The following SGCZ variants were observed in gnomAD, a reference collection of about 807,000 sequenced individuals.
SGCZ encodes the protein sarcoglycan zeta.
SGCZ carries 40 observed loss-of-function variants against 41.3 expected under a neutral mutation model. The ratio of observed to expected loss-of-function variants is 0.97; its 90% confidence interval spans 0.75 to 1.26. The LOEUF is 1.26. SGCZ is among the 50% of genes most tolerant of loss of function. The probability of loss-of-function intolerance (pLI) is 0.00; values close to 1 mark genes in which losing one functional copy is unlikely to be tolerated. For missense variants in SGCZ, 552 were observed against 369.8 expected, an observed-to-expected ratio of 1.49 and a Z score of -4.04; for synonymous variants, 206 against 137.5, an observed-to-expected ratio of 1.50 and a Z score of -3.49.
intron 1 of SGCZ, among the ~76,000 whole-genome samples, chr8:14,973,347 T>A (rs977097938): frequency 6.6e-6 from 1 of 152,164 alleles, no homozygotes; most frequent in Non-Finnish European, 1.5e-5. Flanking sequence ...TAGAGAAAGT[T>A]TACTTTCCCT....
intron 1 of SGCZ, among the ~76,000 whole-genome samples, chr8:14,984,339 T>C (rs1471294330): frequency 2.6e-5 from 4 of 152,202 alleles, no homozygotes; most frequent in Admixed American, 2.6e-4. Context: ...AACTGTAGCA[T>C]ATCAACAAAT....
chr8:15,026,553 C>T (rs910001361), intron 1 of SGCZ, among the ~76,000 whole-genome samples: 6 of 152,052 alleles, frequency 3.9e-5, no homozygotes, highest in African/African-American at 1.2e-4. Flanking sequence ...GTATTGTCAA[C>T]GCTGTAATCC....
At chr8:14,724,195 G>A (rs1396665246) in intron 1 of SGCZ, among the ~76,000 whole-genome samples, 1 of 151,970 alleles carries the variant, frequency 6.6e-6, no homozygotes, top group Non-Finnish European at 1.5e-5. Context: ...GACCCTGAAT[G>A]TTGTGTTCTG....
intron 1 of SGCZ, among the ~76,000 whole-genome samples, chr8:15,106,604 G>A (rs7822641): frequency 0.037 from 5,661 of 151,980 alleles, 350 homozygotes; most frequent in African/African-American, 0.13. Context: ...TTTATAACCT[G>A]TCACTTTATT....
intron 6 of SGCZ, among the ~76,000 whole-genome samples, chr8:14,107,242 A>AT (rs956700702): frequency 2.1e-4 from 32 of 151,446 alleles, no homozygotes; most frequent in African/African-American, 4.1e-4. Flanking sequence ...AAATAAATAA[A>AT]AAAAAAAAAC....
chr8:14,896,353 C>T (rs1024606028), intron 1 of SGCZ, among the ~76,000 whole-genome samples: 7 of 152,132 alleles, frequency 4.6e-5, no homozygotes, highest in Admixed American at 4.6e-4. Context: ...AACATAATGC[C>T]TAATGGCACT....
At chr8:14,305,332 G>T (rs936456049) in intron 3 of SGCZ, among the ~76,000 whole-genome samples, 2 of 152,016 alleles carry the variant, frequency 1.3e-5, no homozygotes, top group Non-Finnish European at 2.9e-5. Context: ...ACCACAGCGT[G>T]CAATATTTCT....
At chr8:14,965,038 C>G (rs371754199) in intron 1 of SGCZ, among the ~76,000 whole-genome samples, 130 of 152,150 alleles carry the variant, frequency 8.5e-4, no homozygotes, top group African/African-American at 3.0e-3. Context: ...GTCCCCCATT[C>G]CCGAGGTAAG....
At chr8:14,498,190 T>G (rs980563498) in intron 2 of SGCZ, among the ~76,000 whole-genome samples, 1 of 152,212 alleles carries the variant, frequency 6.6e-6, no homozygotes. Context: ...TTTCTATTAC[T>G]CTGTCATATG....
At chr8:14,131,846 C>T (rs1585163456) in intron 5 of SGCZ, among the ~76,000 whole-genome samples, 2 of 152,190 alleles carry the variant, frequency 1.3e-5, no homozygotes. Flanking sequence ...CAACTGCCTA[C>T]AGTATTCAAT....
At chr8:14,752,801 A>C (rs1799538488) in intron 1 of SGCZ, among the ~76,000 whole-genome samples, 2 of 152,214 alleles carry the variant, frequency 1.3e-5, no homozygotes, top group Non-Finnish European at 2.9e-5. Flanking sequence ...GATTTAAATT[A>C]TACTGGGGAG....
Position 14,199,581 on chromosome 8 carries a change from C to T in SGCZ, c.425-34879G>A, listed in dbSNP as rs188206932. On this transcript the variant is annotated intron_variant, in intron 4 of 7. Transcript: ENST00000382080. ...CACTAATAAAAACTTGCTGGTTTTA[C>T]GGCTCGGGGGGCATCACGGAACCTG... Among the ~76,000 whole-genome samples the T allele has an allele frequency of 3.9e-5, 6 of 152,170 alleles. No homozygotes were observed. In the East Asian group the frequency reaches 9.7e-4, roughly 25 times the overall value.
intron 1 of SGCZ, among the ~76,000 whole-genome samples, chr8:15,046,012 C>T (rs1804287670): frequency 6.6e-6 from 1 of 152,082 alleles, no homozygotes; most frequent in Non-Finnish European, 1.5e-5. Context: ...TCCATTCACA[C>T]ATTAATACCA....
At chr8:15,224,659 A>T (rs1563193801) in intron 1 of SGCZ, among the ~76,000 whole-genome samples, 1 of 152,188 alleles carries the variant, frequency 6.6e-6, no homozygotes, top group Non-Finnish European at 1.5e-5. Flanking sequence ...GGATTTCTAA[A>T]ATCTAACTAT....
chr8:14,636,929 G>T (rs73521667), intron 1 of SGCZ, among the ~76,000 whole-genome samples: 27 of 151,762 alleles, frequency 1.8e-4, no homozygotes, highest in African/African-American at 6.3e-4. Context: ...AAATGTTTAC[G>T]TTCCCTGACA....
At chr8:14,593,534 T>C (rs2117291249) in intron 1 of SGCZ, among the ~76,000 whole-genome samples, 1 of 152,302 alleles carries the variant, frequency 6.6e-6, no homozygotes, top group Middle Eastern at 3.4e-3. Flanking sequence ...AATTAAAATA[T>C]TTTCTTTGAT....
chr8:14,486,002 C>G (rs1394271152), intron 2 of SGCZ, among the ~76,000 whole-genome samples: 1 of 151,720 alleles, frequency 6.6e-6, no homozygotes, highest in African/African-American at 2.4e-5. Flanking sequence ...CCACCGCGCC[C>G]GGCTAATTTT....
At chr8:14,915,356 G>C (rs1028271381) in intron 1 of SGCZ, among the ~76,000 whole-genome samples, 16 of 152,156 alleles carry the variant, frequency 1.1e-4, no homozygotes, top group African/African-American at 3.6e-4. Context: ...TAGGGAGAAA[G>C]TAAGGGACTA....
intron 1 of SGCZ, among the ~76,000 whole-genome samples, chr8:15,227,391 A>G (rs1219638585): frequency 6.6e-6 from 1 of 152,214 alleles, no homozygotes; most frequent in African/African-American, 2.4e-5. Flanking sequence ...AATTCTTGCT[A>G]ATAATTCAAT....
Sources: gnomAD v4.1 joint callset for allele counts (sites outside exome capture counted in the v4.1 genomes callset) on GRCh38, gnomAD v4.1.1 for gene constraint, MANE v1.5 for transcripts, NCBI Gene and HGNC (gene_info 2026-07-23, HGNC 2026-07-21) for gene names.